Variants in ANKS6 observed in about 807,000 individuals in gnomAD.
ANKS6 encodes ankyrin repeat and sterile alpha motif domain containing 6.
ANKS6 carries 47 observed loss-of-function variants against 77.9 expected under a neutral mutation model. That is an observed-to-expected ratio of 0.60 (90% CI 0.48 to 0.77). The LOEUF (loss-of-function observed/expected upper bound fraction) is 0.77. ANKS6 is among the 30% of genes least tolerant of loss of function. The pLI is 0.00. For synonymous variants in ANKS6, 488 were observed against 501.7 expected (o/e 0.97, Z 0.37); for missense variants, 1,150 against 1,159.1 (o/e 0.99, Z 0.11).
intron 2 of ANKS6, among the ~76,000 whole-genome samples, chr9:98,788,096 T>C (rs570995819): frequency 2.6e-5 from 4 of 152,194 alleles, no homozygotes; most frequent in South Asian, 2.1e-4. Context: ...GACAGTGACC[T>C]TGGCCACATC....
rs142846520 is a variant in ANKS6 at position 98,739,724 on chromosome 9, G to A, written c.2512-3101C>T. The stretch of plus-strand genomic sequence containing the variant: ...CTGTGTGGGTAGCTGGAGGCAGACA[G>A]ATCCTATCCTCAGAGGGCAGCAGTG... On this transcript the variant is annotated intron_variant, in intron 14 of 14. Transcript: ENST00000353234. 2.2e-3 allele frequency among the ~76,000 whole-genome samples: 327 copies of A among 151,166 alleles called. 1 individual carries two copies. The highest frequency in any genetic ancestry group is 7.5e-3 in the African/African-American group (306 of 41,044).
At chr9:98,757,122 C>A (rs545726701) in intron 11 of ANKS6, among the ~76,000 whole-genome samples, 1 of 152,190 alleles carries the variant, frequency 6.6e-6, no homozygotes, top group Admixed American at 6.5e-5. Flanking sequence ...AAGAGCTGCA[C>A]AGAGAGAACA....
At chr9:98,754,777 T>C (rs1051885559) in intron 12 of ANKS6, among the ~76,000 whole-genome samples, 4 of 152,082 alleles carry the variant, frequency 2.6e-5, no homozygotes, top group African/African-American at 9.7e-5. Flanking sequence ...ACCAGAGAAA[T>C]TATTCTACAA....
chr9:98,769,864 A>G (rs1038021586), intron 10 of ANKS6, among the ~76,000 whole-genome samples: 20 of 152,218 alleles, frequency 1.3e-4, no homozygotes, highest in African/African-American at 4.6e-4. Context: ...AGTGCTCCAT[A>G]AATTATTGTG....
At chr9:98,792,347 G>A (rs1326712742) in intron 1 of ANKS6, among the ~76,000 whole-genome samples, 3 of 152,050 alleles carry the variant, frequency 2.0e-5, no homozygotes, top group South Asian at 2.1e-4. Flanking sequence ...CTGGCTGCAC[G>A]TGAGCCCTCT....
intron 14 of ANKS6, among the ~76,000 whole-genome samples, chr9:98,737,494 A>AC (rs999825231): frequency 5.9e-5 from 9 of 151,894 alleles, no homozygotes; most frequent in South Asian, 2.1e-4. Context: ...AAAAAAATAA[A>AC]AAAAAAAAAT....
chr9:98,736,002 C>A lies in ANKS6; in HGVS notation c.*517G>T, dbSNP rs1481999361. The A allele has an allele frequency of 2.5e-6, 3 of 1,218,706 alleles. No individual in the cohort carries two copies. The highest frequency in any genetic ancestry group is 3.1e-6 in the Non-Finnish European group (3 of 980,118). 75.5% of individuals were successfully genotyped at this position (1,218,706 alleles called of 1,614,324 possible). On this transcript the variant is annotated 3_prime_UTR_variant, in exon 15 of 15. Transcript: ENST00000353234. ...GCTAACCTCTCACCATAATACATAC[C>A]CCCCATCTAAGTCAAAAGTTGTTGC... is the stretch of plus-strand genomic sequence containing the variant.
rs1831294570 is a variant in ANKS6, at chr9:98,733,155, C to T, written c.*3364G>A. 2.3e-5 allele frequency: 22 copies of T among 968,026 alleles called. No homozygotes were observed. The highest frequency in any genetic ancestry group is 1.4e-4 in the South Asian group (3 of 20,966). The allele number at this position is 968,026 out of a possible 1,614,324, so 60.0% of individuals were successfully genotyped here. ...TTTTCATCTTTGGAGACAGAGCGTA[C>T]GAGTAGGGCTGGCACAGGGTAGATG... On this transcript the variant is annotated 3_prime_UTR_variant, in exon 15 of 15. Transcript: ENST00000353234.
At chr9:98,786,914 T>C (rs1834604819) in intron 2 of ANKS6, among the ~76,000 whole-genome samples, 1 of 152,150 alleles carries the variant, frequency 6.6e-6, no homozygotes, top group Non-Finnish European at 1.5e-5. Flanking sequence ...GGCAGGTCCC[T>C]TCCTCGCTTT....
chr9:98,781,029 T>C (rs1226739556), intron 5 of ANKS6, among the ~76,000 whole-genome samples: 1 of 152,078 alleles, frequency 6.6e-6, no homozygotes, highest in East Asian at 1.9e-4. Context: ...GCCTCCCATG[T>C]AGCTGGGGCT....
In ANKS6 at chr9:98,736,315, C is replaced by T; in HGVS notation, c.*204G>A. On this transcript the variant is annotated 3_prime_UTR_variant, in exon 15 of 15. Coordinates refer to ENST00000353234, the MANE Select transcript of ANKS6 (RefSeq NM_173551.5). ...CAGAAGCACCCCCACTGGACTGTTA[C>T]ATGGGAATCTGTCTCTGTGTGTTGA... The T allele has an allele frequency of 7.1e-7, 1 of 1,409,244 alleles. No individual in the cohort carries two copies. The highest frequency in any genetic ancestry group is 1.6e-5 in the South Asian group (1 of 62,040). 87.3% of individuals were successfully genotyped at this position (1,409,244 alleles called of 1,614,324 possible). A position where few individuals can be genotyped will look rare whatever the true frequency, so the allele number is the denominator to read the frequency against.
At chr9:98,751,826 A>G (rs1001104735) in intron 12 of ANKS6, among the ~76,000 whole-genome samples, 1 of 152,230 alleles carries the variant, frequency 6.6e-6, no homozygotes, top group African/African-American at 2.4e-5. Context: ...CATGCCTGTA[A>G]TCCCAGGATC....
chr9:98,780,268 T>A lies in ANKS6; in HGVS notation c.1289A>T (p.His430Leu), dbSNP rs769807571. ...CTTCGAGTGGGGCAGGGGAGGCTGG[T>A]GGCTCGGCCGGCCTTTGTCTTTATT... ...QVNKDKGRPS[H>L]QPPLPHSKVR... The change falls in exon 6 of 15, where the codon CAC becomes CTC. Residue 430 changes from histidine (H) to leucine (L), a missense_variant. Coordinates refer to ENST00000353234, the MANE Select transcript of ANKS6 (RefSeq NM_173551.5). 7.4e-6 allele frequency: 12 copies of A among 1,612,914 alleles called. No individual in the cohort carries two copies. The East Asian group carries it at 2.5e-4, about 33-fold the overall frequency.
Position 98,774,063 on chromosome 9 carries a change from G to A in ANKS6, c.1635C>T (p.Pro545=). The change falls in exon 9 of 15, where the codon CCC becomes CCT. Residue 545 remains proline, a synonymous_variant. Transcript: ENST00000353234. Reference sequence around the variant, plus strand: ...GCTTGTCACTCGGGAGTCTGGTGAGGGGAGCTCCGTTTCGAAGCTGAAAAA... The same window carrying A: ...GCTTGTCACTCGGGAGTCTGGTGAGAGGAGCTCCGTTTCGAAGCTGAAAAA... ...LLTTMLRNGA[P]LTRLPSDKLK... is the part of the protein sequence containing the mutation. 3 of 1,510,236 alleles carry A rather than the reference G, an allele frequency of 2.0e-6. No individual in the cohort carries two copies. The highest frequency in any genetic ancestry group is 2.7e-6 in the Non-Finnish European group (3 of 1,124,680). 93.6% of individuals were successfully genotyped at this position (1,510,236 alleles called of 1,614,324 possible). A position where few individuals can be genotyped will look rare whatever the true frequency, so the allele number is the denominator to read the frequency against.
intron 2 of ANKS6, among the ~76,000 whole-genome samples, chr9:98,788,928 C>A (rs1834729364): frequency 6.6e-6 from 1 of 152,072 alleles, no homozygotes; most frequent in Non-Finnish European, 1.5e-5. Flanking sequence ...TCCTAAACTT[C>A]TTTTTCCTTT....
chr9:98,793,624 G>A (rs1342992399), intron 1 of ANKS6, among the ~76,000 whole-genome samples: 3 of 151,840 alleles, frequency 2.0e-5, no homozygotes, highest in African/African-American at 4.8e-5. Flanking sequence ...AGGTTCAAGC[G>A]ATTCTCCTGC....
chr9:98,766,735 T>C (rs1833315622), intron 11 of ANKS6, among the ~76,000 whole-genome samples: 2 of 151,880 alleles, frequency 1.3e-5, no homozygotes, highest in African/African-American at 2.4e-5. Context: ...ACAAAAAGAG[T>C]TGTGTAACCA....
intron 5 of ANKS6, among the ~76,000 whole-genome samples, chr9:98,782,203 T>C (rs1265998585): frequency 6.6e-6 from 1 of 152,136 alleles, no homozygotes; most frequent in Non-Finnish European, 1.5e-5. Flanking sequence ...GTCAGACACG[T>C]CTTATTTTCC....
chr9:98,737,931 A>T (rs1289516287), intron 14 of ANKS6, among the ~76,000 whole-genome samples: 1 of 152,166 alleles, frequency 6.6e-6, no homozygotes, highest in Non-Finnish European at 1.5e-5. Context: ...AATAAACCCA[A>T]ATACTTACAG....
Sources: gnomAD v4.1 joint callset for allele counts (sites outside exome capture counted in the v4.1 genomes callset) on GRCh38, gnomAD v4.1.1 for gene constraint, MANE v1.5 for transcripts, NCBI Gene and HGNC (gene_info 2026-07-23, HGNC 2026-07-21) for gene names.